SEC23IP: variants seen among roughly 807,000 people sequenced by gnomAD.
SEC23IP encodes SEC23 interacting protein, also known as SEC23-interacting protein.
SEC23IP carries 70 observed loss-of-function variants against 113.4 expected under a neutral mutation model. The ratio of observed to expected loss-of-function variants is 0.62; its 90% CI spans 0.51 to 0.75. The LOEUF is 0.75. Among genes scored for constraint, SEC23IP ranks in the 30% least tolerant of loss-of-function variants. The pLI is 0.00. For synonymous variants in SEC23IP, 398 were observed against 421.0 expected, an observed-to-expected ratio of 0.95 and a Z score of 0.67; for missense variants, 1,160 against 1,204.9, an observed-to-expected ratio of 0.96 and a Z score of 0.55.
chr10:119,929,793 A>C, intron 14 of SEC23IP, 31 bp downstream of exon 14: 1 of 1,495,558 alleles, frequency 6.7e-7, no homozygotes, highest in Non-Finnish European at 9.2e-7. Context: ...TGTTTTTTAA[A>C]ATCCTTTTTT....
At position 119,909,142 on chromosome 10, in the gene SEC23IP, G is replaced by A; in HGVS notation, c.1191+12G>A. 1 of 1,561,578 alleles carries A rather than the reference G, an allele frequency of 6.4e-7. No homozygotes were observed. Among genetic ancestry groups the A allele is most frequent in the Non-Finnish European group, 8.7e-7 (1 of 1,146,774 alleles). ...TGCACAATCCAAAGGTAATGATGGTGTTCAAAATTTTAAGGTATTAAGTTC... is the reference window on the plus strand; with the variant it reads ...TGCACAATCCAAAGGTAATGATGGTATTCAAAATTTTAAGGTATTAAGTTC... On this transcript the variant is annotated intron_variant, in intron 5 of 18. Coordinates refer to ENST00000369075, the MANE Select transcript of SEC23IP (RefSeq NM_007190.4).
intron 1 of SEC23IP, among the ~76,000 whole-genome samples, chr10:119,895,486 A>G (rs112715943): frequency 5.3e-5 from 8 of 152,238 alleles, no homozygotes; most frequent in Non-Finnish European, 8.8e-5. Flanking sequence ...ACTGCACAGT[A>G]TGTGTGTATA....
At chr10:119,923,989 G>C (rs1349250876) in intron 12 of SEC23IP, among the ~76,000 whole-genome samples, 1 of 152,206 alleles carries the variant, frequency 6.6e-6, no homozygotes, top group Non-Finnish European at 1.5e-5. Context: ...GAATTTAACA[G>C]GAGGTACTTC....
chr10:119,924,588 T>G, intron 12 of SEC23IP, among the ~76,000 whole-genome samples: 1 of 151,686 alleles, frequency 6.6e-6, no homozygotes, highest in Non-Finnish European at 1.5e-5. Flanking sequence ...CCGGGTAATT[T>G]TTTTTGTATT....
chr10:119,893,078 G>C (rs1854146227), intron 1 of SEC23IP, 133 bp downstream of exon 1: 2 of 949,700 alleles, frequency 2.1e-6, no homozygotes, highest in African/African-American at 1.7e-5. Context: ...TTACTGGCCA[G>C]GTTTGAGTGG....
chr10:119,912,790 A>T (rs1854910746), intron 6 of SEC23IP, among the ~76,000 whole-genome samples: 1 of 151,664 alleles, frequency 6.6e-6, no homozygotes, highest in East Asian at 2.0e-4. Context: ...ACAGGCGTGC[A>T]CCACCACGCC....
intron 6 of SEC23IP, 177 bp from the exon 7 acceptor site, chr10:119,914,553 C>A: frequency 1.7e-6 from 1 of 572,260 alleles, no homozygotes; most frequent in East Asian, 3.0e-5. Context: ...TTTTATATGC[C>A]AAGAGGGACA....
At chr10:119,914,290 AT>A (rs1381562190) in intron 6 of SEC23IP, among the ~76,000 whole-genome samples, 1 of 152,246 alleles carries the variant, frequency 6.6e-6, no homozygotes, top group Non-Finnish European at 1.5e-5. Flanking sequence ...AATGGATTTT[AT>A]TTTTACAATT....
chr10:119,909,227 G>A (rs904494553), intron 5 of SEC23IP, 97 bp downstream of exon 5: 8 of 735,446 alleles, frequency 1.1e-5, no homozygotes, highest in Non-Finnish European at 1.6e-5. Flanking sequence ...CTTCTACAGT[G>A]GGAATGTTTT....
At chr10:119,925,893 A>G in intron 12 of SEC23IP, 143 bp from the exon 13 acceptor site, 2 of 731,132 alleles carry the variant, frequency 2.7e-6, no homozygotes, top group Non-Finnish European at 2.2e-6. Context: ...ATAAAAAGGC[A>G]TTTTTTAAAG....
intron 11 of SEC23IP, among the ~76,000 whole-genome samples, chr10:119,919,820 TAG>T (rs1855188243): frequency 6.6e-6 from 1 of 152,176 alleles, no homozygotes; most frequent in Non-Finnish European, 1.5e-5. Flanking sequence ...TGTATAACAG[TAG>T]ACACCATAAA....
chr10:119,943,339 T>A lies in SEC23IP; in HGVS notation c.*2774T>A, dbSNP rs1339155446. 1 of 152,276 alleles carries A rather than the reference T, an allele frequency of 6.6e-6. No homozygotes were observed. The highest frequency in any genetic ancestry group is 1.5e-5 in the Non-Finnish European group (1 of 68,078). The allele number at this position is 152,276 out of a possible 1,614,324, so 9.4% of individuals were successfully genotyped here. A position where few individuals can be genotyped will look rare whatever the true frequency, so the allele number is the denominator to read the frequency against. ...CTGACATTGTGTTCCTGCTGTTGACTGTCCCTGCGGTGCACGGGACAGACT... is the reference window on the plus strand; with the variant it reads ...CTGACATTGTGTTCCTGCTGTTGACAGTCCCTGCGGTGCACGGGACAGACT... On this transcript the variant is annotated 3_prime_UTR_variant, in exon 19 of 19. Transcript: ENST00000369075.
chr10:119,918,603 T>C (rs866445711), intron 10 of SEC23IP, 92 bp downstream of exon 10: 18 of 733,676 alleles, frequency 2.5e-5, no homozygotes, highest in Middle Eastern at 4.9e-4. Context: ...GAAACTTTTG[T>C]TTGTTTGTTT....
chr10:119,937,640 A>G (rs956603827), intron 18 of SEC23IP, among the ~76,000 whole-genome samples: 8 of 152,064 alleles, frequency 5.3e-5, no homozygotes, highest in Admixed American at 3.9e-4. Flanking sequence ...AAAAAAACAA[A>G]AAAACAAAAA....
At chr10:119,911,037 C>CT (rs34695263) in intron 5 of SEC23IP, among the ~76,000 whole-genome samples, 7,675 of 129,784 alleles carry the variant, frequency 0.059, 376 homozygotes, top group South Asian at 0.29. Context: ...AGTATATATT[C>CT]TTTTTTTTTT....
At chr10:119,935,711 C>T (rs373878511) in intron 18 of SEC23IP, among the ~76,000 whole-genome samples, 3 of 152,142 alleles carry the variant, frequency 2.0e-5, no homozygotes, top group East Asian at 1.9e-4. Context: ...GCAGACAGCA[C>T]GTGGACAGTT....
At chr10:119,907,259 G>C (rs1854704557) in intron 4 of SEC23IP, among the ~76,000 whole-genome samples, 1 of 151,644 alleles carries the variant, frequency 6.6e-6, no homozygotes, top group African/African-American at 2.4e-5. Context: ...TCACGCCATT[G>C]CACTCCAACC....
intron 2 of SEC23IP, among the ~76,000 whole-genome samples, chr10:119,901,337 AT>A (rs538401505): frequency 6.7e-4 from 97 of 144,436 alleles, no homozygotes; most frequent in African/African-American, 9.1e-4. Context: ...TTATTTACTT[AT>A]TTTTTTTTTT....
At chr10:119,931,273 A>G (rs1855590820) in intron 15 of SEC23IP, among the ~76,000 whole-genome samples, 1 of 56,110 alleles carries the variant, frequency 1.8e-5, no homozygotes, top group South Asian at 7.1e-4. Context: ...CTCCGTCTCA[A>G]AAAAAAAAAA....
Sources: allele counts gnomAD v4.1 joint callset (sites outside exome capture counted in the v4.1 genomes callset), GRCh38; gene constraint gnomAD v4.1.1; transcripts MANE v1.5; gene names NCBI Gene and HGNC (gene_info 2026-07-23, HGNC 2026-07-21).